Variants in TENM4 observed in about 807,000 individuals in gnomAD.
The protein encoded by TENM4 is teneurin-4.
TENM4 carries 82 observed loss-of-function variants against 243.3 expected under a neutral mutation model. That is an observed-to-expected ratio of 0.34 (90% CI 0.28 to 0.40). The LOEUF (loss-of-function observed/expected upper bound fraction) is 0.40, where lower values mean the gene tolerates loss of function less well. Ranked by LOEUF, TENM4 falls within the 10% of genes least tolerant of loss-of-function variation. The pLI, the probability that TENM4 is intolerant of heterozygous loss-of-function variation, is 1.00. For synonymous variants in TENM4, 1,412 were observed against 1,456.3 expected (o/e 0.97, Z 0.69); for missense variants, 3,138 against 3,673.3 (o/e 0.85, Z 3.77).
chr11:78,725,927 G>T (rs1301201441), intron 23 of TENM4, among the ~76,000 whole-genome samples, 152 bp downstream of exon 23: 1 of 152,232 alleles, frequency 6.6e-6, no homozygotes, highest in Non-Finnish European at 1.5e-5. Context: ...AGGCTCAGAG[G>T]AGGTCTTCAA....
chr11:78,862,921 G>C (rs778076025), intron 10 of TENM4, 41 bp downstream of exon 10: 3 of 1,365,620 alleles, frequency 2.2e-6, no homozygotes, highest in African/African-American at 2.9e-5. Context: ...CTCAGAGGCA[G>C]ACACAGAGGA....
At chr11:78,788,260 G>GAATA (rs1565379399) in intron 15 of TENM4, among the ~76,000 whole-genome samples, 1 of 152,238 alleles carries the variant, frequency 6.6e-6, no homozygotes, top group Non-Finnish European at 1.5e-5. Flanking sequence ...ACAAGACAAT[G>GAATA]AATAAAATGT....
chr11:78,982,463 T>A (rs1240114292), intron 6 of TENM4, among the ~76,000 whole-genome samples: 1 of 152,098 alleles, frequency 6.6e-6, no homozygotes, highest in Non-Finnish European at 1.5e-5. Flanking sequence ...GATTGACAAC[T>A]GGCTGACACC....
chr11:79,435,486 C>A (rs1482758618), intron 1 of TENM4, among the ~76,000 whole-genome samples: 2 of 152,180 alleles, frequency 1.3e-5, no homozygotes, highest in Non-Finnish European at 2.9e-5. Flanking sequence ...AGGTAGAAAT[C>A]GGCCCCTTAG....
At chr11:78,722,604 C>A in intron 24 of TENM4, 64 bp downstream of exon 24, 1 of 1,562,724 alleles carries the variant, frequency 6.4e-7, no homozygotes, top group East Asian at 2.3e-5. Context: ...GGTAATGTGG[C>A]GGGGCCCAAA....
At chr11:79,237,268 CAG>C (rs1363824927) in intron 2 of TENM4, among the ~76,000 whole-genome samples, 4 of 152,156 alleles carry the variant, frequency 2.6e-5, no homozygotes, top group Non-Finnish European at 4.4e-5. Flanking sequence ...TGGACTAAGA[CAG>C]GGTGGAGAGA....
At chr11:78,810,882 A>G (rs1336140771) in intron 14 of TENM4, among the ~76,000 whole-genome samples, 1 of 152,204 alleles carries the variant, frequency 6.6e-6, no homozygotes, top group Non-Finnish European at 1.5e-5. Context: ...AGGGTGCTAG[A>G]TGGCAGAGAA....
At chr11:78,736,445 AGTGTGTGTGTGT>A (rs3223449) in intron 20 of TENM4, among the ~76,000 whole-genome samples, 4 of 145,268 alleles carry the variant, frequency 2.8e-5, no homozygotes, top group South Asian at 2.2e-4. Flanking sequence ...GATTTCAGCA[AGTGTGTGTGTGT>A]GTGTGTGTGT....
At chr11:79,104,840 G>A (rs1322776949) in intron 4 of TENM4, among the ~76,000 whole-genome samples, 1 of 152,204 alleles carries the variant, frequency 6.6e-6, no homozygotes, top group African/African-American at 2.4e-5. Context: ...CTCCAAGGGG[G>A]TTGAGAAGGA....
intron 1 of TENM4, among the ~76,000 whole-genome samples, chr11:79,299,815 G>A (rs1856521470): frequency 6.6e-6 from 1 of 152,184 alleles, no homozygotes. Context: ...TCTTTCTAAA[G>A]CTCTAAGCTT....
intron 6 of TENM4, among the ~76,000 whole-genome samples, chr11:78,905,619 G>A (rs1856043884): frequency 1.3e-5 from 2 of 152,182 alleles, no homozygotes; most frequent in Non-Finnish European, 2.9e-5. Flanking sequence ...GAGATGTACT[G>A]AGACCATCTG....
intron 6 of TENM4, among the ~76,000 whole-genome samples, chr11:78,934,498 G>A (rs1856741300): frequency 6.6e-6 from 1 of 152,154 alleles, no homozygotes; most frequent in Non-Finnish European, 1.5e-5. Flanking sequence ...TCACGGGTTA[G>A]ACTGGCGGAC....
intron 2 of TENM4, among the ~76,000 whole-genome samples, chr11:79,288,785 A>G (rs186885501): frequency 6.6e-6 from 1 of 152,308 alleles, no homozygotes. Context: ...GATTTAGTGG[A>G]TGATTGGAAA....
intron 9 of TENM4, among the ~76,000 whole-genome samples, chr11:78,881,721 C>T (rs544331975): frequency 6.6e-6 from 1 of 152,352 alleles, no homozygotes; most frequent in African/African-American, 2.4e-5. Context: ...TCAAACTCTT[C>T]TATCATGGGG....
chr11:79,058,881 G>A (rs1166312184), intron 6 of TENM4, among the ~76,000 whole-genome samples: 1 of 152,198 alleles, frequency 6.6e-6, no homozygotes, highest in Non-Finnish European at 1.5e-5. Flanking sequence ...TCCCATTCTA[G>A]AAGATGGTGT....
At chr11:78,879,723 G>T (rs1859378028) in intron 9 of TENM4, among the ~76,000 whole-genome samples, 1 of 150,188 alleles carries the variant, frequency 6.7e-6, no homozygotes, top group Non-Finnish European at 1.5e-5. Context: ...GAGCGCCTCT[G>T]CACGGCCGCC....
At chr11:79,070,888 C>T (rs1860396937) in intron 4 of TENM4, among the ~76,000 whole-genome samples, 1 of 152,194 alleles carries the variant, frequency 6.6e-6, no homozygotes, top group Non-Finnish European at 1.5e-5. Context: ...ACTCTTAGTA[C>T]ACAAAAGTGC....
At chr11:79,069,583 C>T (rs1309017269) in intron 5 of TENM4, 139 bp downstream of exon 5, 7 of 1,173,520 alleles carry the variant, frequency 6.0e-6, no homozygotes, top group Non-Finnish European at 8.1e-6. Context: ...ATGGCAGAAA[C>T]TTGCTGTTGA....
intron 1 of TENM4, among the ~76,000 whole-genome samples, chr11:79,387,012 G>T (rs528840819): frequency 6.6e-6 from 1 of 152,270 alleles, no homozygotes; most frequent in African/African-American, 2.4e-5. Context: ...TGTCCAGCAA[G>T]AGCAGAGTGA....
Sources: allele counts gnomAD v4.1 joint callset (sites outside exome capture counted in the v4.1 genomes callset), GRCh38; gene constraint gnomAD v4.1.1; transcripts MANE v1.5; gene names NCBI Gene and HGNC (gene_info 2026-07-23, HGNC 2026-07-21).